Variants in MKLN1 observed in about 807,000 individuals in gnomAD.
MKLN1 encodes muskelin 1, also known as muskelin.
MKLN1 carries 18 observed loss-of-function variants against 99.0 expected under a neutral mutation model. The ratio of observed to expected loss-of-function variants is 0.18; its 90% CI spans 0.13 to 0.27. The LOEUF is 0.27. Among genes scored for constraint, MKLN1 ranks in the 10% least tolerant of loss-of-function variants. The pLI, the probability that MKLN1 is intolerant of heterozygous loss-of-function variation, is 1.00. For missense variants in MKLN1, 621 were observed against 875.9 expected (o/e 0.71, Z 3.67); for synonymous variants, 288 against 293.2 (o/e 0.98, Z 0.18).
chr7:131,283,404 T>TTC (rs1798088144), intron 3 of MKLN1, among the ~76,000 whole-genome samples: 1 of 90,636 alleles, frequency 1.1e-5, no homozygotes, highest in African/African-American at 4.5e-5. Flanking sequence ...TTCCTTCCTC[T>TTC]CTCTCTCTTT....
chr7:131,446,147 T>TG (rs986483370), intron 12 of MKLN1, among the ~76,000 whole-genome samples: 1 of 152,134 alleles, frequency 6.6e-6, no homozygotes, highest in African/African-American at 2.4e-5. Context: ...GTGTGCTTGT[T>TG]GGGGGGCGGG....
At chr7:131,112,593 A>G (rs796552257) in intron 1 of MKLN1, among the ~76,000 whole-genome samples, 3 of 152,306 alleles carry the variant, frequency 2.0e-5, no homozygotes, top group Non-Finnish European at 2.9e-5. Flanking sequence ...TATTATGACA[A>G]CGTGTCACTG....
intron 3 of MKLN1, among the ~76,000 whole-genome samples, chr7:131,247,430 G>A (rs1797509150): frequency 6.6e-6 from 1 of 151,958 alleles, no homozygotes; most frequent in African/African-American, 2.4e-5. Context: ...TGGTCAGGCT[G>A]GTCTCGAACT....
At chr7:131,334,286 G>A (rs1348874364) in intron 1 of MKLN1, among the ~76,000 whole-genome samples, 1 of 152,168 alleles carries the variant, frequency 6.6e-6, no homozygotes, top group African/African-American at 2.4e-5. Flanking sequence ...ATACTATTAT[G>A]CCCTTCCTTT....
chr7:131,184,467 G>T (rs1796420013), intron 2 of MKLN1, among the ~76,000 whole-genome samples: 6 of 151,980 alleles, frequency 3.9e-5, no homozygotes, highest in Admixed American at 3.9e-4. Context: ...CTGCTGAGTG[G>T]CATGTTGCTT....
chr7:131,192,747 G>T (rs902753802), intron 2 of MKLN1, among the ~76,000 whole-genome samples: 1 of 151,680 alleles, frequency 6.6e-6, no homozygotes. Flanking sequence ...TCACCGGGTT[G>T]GCCAGGCTGG....
intron 3 of MKLN1, among the ~76,000 whole-genome samples, chr7:131,251,855 A>C (rs564423543): frequency 9.3e-5 from 14 of 150,744 alleles, no homozygotes; most frequent in Non-Finnish European, 3.0e-5. Flanking sequence ...TTTTTTGTAG[A>C]GATGTTTGTA....
chr7:131,129,280 C>A (rs1040789465), intron 1 of MKLN1, among the ~76,000 whole-genome samples: 1 of 152,088 alleles, frequency 6.6e-6, no homozygotes, highest in Non-Finnish European at 1.5e-5. Flanking sequence ...TTGGTATAAA[C>A]CTTCTGAGAG....
chr7:131,420,202 A>C (rs1795148832), intron 8 of MKLN1, among the ~76,000 whole-genome samples: 1 of 151,896 alleles, frequency 6.6e-6, no homozygotes, highest in East Asian at 1.9e-4. Context: ...AAAAAAAAAA[A>C]GATAGTATGT....
At position 131,360,368 on chromosome 7, in the gene MKLN1, C is replaced by G. The variant is rs1403767612; in HGVS notation, c.99-15056C>G. On this transcript the variant is annotated intron_variant, in intron 1 of 17. Coordinates refer to ENST00000352689, the MANE Select transcript of MKLN1 (RefSeq NM_013255.5). ...TTACTGTACTTGTTCTTTGTTTCTT[C>G]TCTTCCCCTTTTTCCATCTTCTCTG... Among the ~76,000 whole-genome samples, 4 of 152,068 alleles carry G rather than the reference C, an allele frequency of 2.6e-5. No individual in the cohort carries two copies. In the South Asian group the frequency reaches 6.2e-4, roughly 24 times the overall value.
intron 12 of MKLN1, among the ~76,000 whole-genome samples, chr7:131,447,600 C>T (rs1407478072): frequency 6.6e-6 from 1 of 152,042 alleles, no homozygotes; most frequent in East Asian, 1.9e-4. Context: ...ATGGGTCTCC[C>T]TGAAAAAGGT....
intron 1 of MKLN1, among the ~76,000 whole-genome samples, chr7:131,332,319 G>A: frequency 6.8e-6 from 1 of 147,790 alleles, no homozygotes; most frequent in East Asian, 1.9e-4. Context: ...TAAAATATAT[G>A]TGCATAGTTA....
At chr7:131,279,281 A>G (rs1798016807) in intron 3 of MKLN1, among the ~76,000 whole-genome samples, 1 of 152,246 alleles carries the variant, frequency 6.6e-6, no homozygotes, top group African/African-American at 2.4e-5. Context: ...ATTGTGCAAC[A>G]CTGGATAAGA....
chr7:131,478,636 C>G lies in MKLN1; in HGVS notation c.2045C>G (p.Ala682Gly), dbSNP rs760546276. 6.1e-5 allele frequency: 85 copies of G among 1,387,748 alleles called. 1 individual carries two copies. Among genetic ancestry groups the G allele is most frequent in the Non-Finnish European group, 7.8e-5 (81 of 1,035,666 alleles). 86.0% of individuals were successfully genotyped at this position (1,387,748 alleles called of 1,614,324 possible). Residue 682 changes from alanine (A) to glycine (G), a missense_variant, in exon 17 of 18, where the codon GCA becomes GGA. Around this residue, in one of 8 missense-constraint regions of MKLN1, gnomAD observed 126 missense variants for 157.4 expected, o/e 0.80. Coordinates refer to ENST00000352689, the MANE Select transcript of MKLN1 (RefSeq NM_013255.5). ...TTTTTTAAACAGTTTCAGCTCCTGG[C>G]ATCAGCTCTATTCAAATCTGGTTCA... is the stretch of plus-strand genomic sequence containing the variant. Reference protein sequence around the residue: ...PEETKEFQLLASALFKSGSDF... With the variant: ...PEETKEFQLLGSALFKSGSDF...
chr7:131,166,526 C>T (rs529968523), intron 2 of MKLN1, among the ~76,000 whole-genome samples: 5 of 152,318 alleles, frequency 3.3e-5, no homozygotes, highest in South Asian at 4.2e-4. Flanking sequence ...ACCCGCTTCT[C>T]GCTGGGCACT....
chr7:131,326,063 T>A (rs191241506), upstream of MKLN1, among the ~76,000 whole-genome samples: 164 of 152,286 alleles, frequency 1.1e-3, 1 homozygote, highest in Admixed American at 2.4e-3. Context: ...AGGAACTATG[T>A]CTGGAAAAGA....
chr7:131,418,917 G>T (rs1795105656), intron 8 of MKLN1, among the ~76,000 whole-genome samples: 1 of 152,114 alleles, frequency 6.6e-6, no homozygotes, highest in South Asian at 2.1e-4. Context: ...TGAAATTATG[G>T]TTCAGGTTAA....
chr7:131,355,394 T>A (rs1455946477), intron 1 of MKLN1, among the ~76,000 whole-genome samples: 1 of 151,986 alleles, frequency 6.6e-6, no homozygotes, highest in African/African-American at 2.4e-5. Flanking sequence ...GATGAGTCTT[T>A]TTATGCAGGA....
intron 2 of MKLN1, among the ~76,000 whole-genome samples, chr7:131,163,781 G>A (rs1170185794): frequency 2.0e-5 from 3 of 152,090 alleles, no homozygotes; most frequent in Admixed American, 1.3e-4. Context: ...AGTAACTCTC[G>A]TGTGTATATC....
Sources: allele counts gnomAD v4.1 joint callset (sites outside exome capture counted in the v4.1 genomes callset), GRCh38; gene constraint gnomAD v4.1.1; regional missense constraint gnomAD v4.1.1; transcripts MANE v1.5; gene names NCBI Gene and HGNC (gene_info 2026-07-23, HGNC 2026-07-21).